Variants in MIA2 observed in about 807,000 individuals in gnomAD.
MIA2 encodes the protein MIA SH3 domain ER export factor 2.
MIA2 carries 127 observed loss-of-function variants against 167.8 expected under a neutral mutation model. The ratio of observed to expected loss-of-function variants is 0.76; its 90% confidence interval spans 0.66 to 0.88. The LOEUF (loss-of-function observed/expected upper bound fraction) is 0.88. MIA2 is among the 40% of genes least tolerant of loss of function. The pLI, the probability that MIA2 is intolerant of heterozygous loss-of-function variation, is 0.00. For synonymous variants in MIA2, 552 were observed against 541.9 expected, an observed-to-expected ratio of 1.02 and a Z score of -0.26; for missense variants, 1,690 against 1,624.7, an observed-to-expected ratio of 1.04 and a Z score of -0.69.
chr14:39,277,756 A>ATATATATATATATGTGTG (rs2058348411), intron 7 of MIA2, among the ~76,000 whole-genome samples: 1 of 21,588 alleles, frequency 4.6e-5, no homozygotes, highest in Non-Finnish European at 7.8e-5. Context: ...GTGTATATAT[A>ATATATATATATATGTGTG]TATATATATA....
chr14:39,286,230 G>C (rs1283707308), intron 9 of MIA2, among the ~76,000 whole-genome samples: 3 of 152,174 alleles, frequency 2.0e-5, no homozygotes, highest in Non-Finnish European at 4.4e-5. Context: ...ATCACTCTTG[G>C]TTAGGAGCTG....
At chr14:39,325,237 AATG>A (rs2067249158) in intron 24 of MIA2, among the ~76,000 whole-genome samples, 1 of 151,864 alleles carries the variant, frequency 6.6e-6, no homozygotes, top group African/African-American at 2.4e-5. Flanking sequence ...CAAAAAAAAA[AATG>A]TTTTTAAAGC....
chr14:39,248,717 T>A (rs1040650971), intron 4 of MIA2, among the ~76,000 whole-genome samples: 1 of 152,180 alleles, frequency 6.6e-6, no homozygotes, highest in Non-Finnish European at 1.5e-5. Flanking sequence ...TTTGAACGAT[T>A]TTCTTAGAAA....
intron 23 of MIA2, among the ~76,000 whole-genome samples, chr14:39,382,498 C>A (rs1246638789): frequency 6.6e-6 from 1 of 152,102 alleles, no homozygotes; most frequent in Admixed American, 6.5e-5. Context: ...TTGAGGGCTT[C>A]AGTATTTAAA....
At chr14:39,376,203 C>G (rs1415650443) in intron 23 of MIA2, among the ~76,000 whole-genome samples, 6 of 152,198 alleles carry the variant, frequency 3.9e-5, no homozygotes, top group African/African-American at 1.4e-4. Flanking sequence ...ATCTGCCTGC[C>G]TTGACCTCCC....
At chr14:39,341,055 A>C (rs925495438) in intron 25 of MIA2, among the ~76,000 whole-genome samples, 5 of 152,176 alleles carry the variant, frequency 3.3e-5, no homozygotes, top group Non-Finnish European at 7.3e-5. Context: ...TAATTCCAGC[A>C]CTTTGGGAAG....
intron 23 of MIA2, among the ~76,000 whole-genome samples, chr14:39,357,045 A>G (rs1354978173): frequency 6.6e-6 from 1 of 152,034 alleles, no homozygotes; most frequent in Non-Finnish European, 1.5e-5. Flanking sequence ...TCGGGTGGAG[A>G]GTTCTGTAGA....
intron 9 of MIA2, among the ~76,000 whole-genome samples, chr14:39,288,471 A>ATTTTTT (rs1428823924): frequency 1.4e-4 from 7 of 51,650 alleles, no homozygotes; most frequent in African/African-American, 5.4e-4. Flanking sequence ...ATATATATAT[A>ATTTTTT]TATATTTTTT....
At chr14:39,287,207 G>A (rs1268105854) in intron 9 of MIA2, among the ~76,000 whole-genome samples, 2 of 152,088 alleles carry the variant, frequency 1.3e-5, no homozygotes, top group Non-Finnish European at 2.9e-5. Context: ...CCAAGTAGCT[G>A]GGACTACAGG....
chr14:39,270,432 C>G (rs1358943601), intron 6 of MIA2, among the ~76,000 whole-genome samples: 1 of 152,060 alleles, frequency 6.6e-6, no homozygotes, highest in African/African-American at 2.4e-5. Flanking sequence ...ATCTCCTGAC[C>G]TTGTGATCCA....
intron 6 of MIA2, chr14:39,267,326 G>C: frequency 6.6e-7 from 1 of 1,518,094 alleles, no homozygotes; most frequent in Non-Finnish European, 8.8e-7. Flanking sequence ...CCCCGCAGCC[G>C]GCTCCGCAGT....
chr14:39,288,432 C>CATATAT (rs759995143), intron 9 of MIA2, among the ~76,000 whole-genome samples: 21 of 52,878 alleles, frequency 4.0e-4, no homozygotes, highest in South Asian at 1.8e-3. Flanking sequence ...ATATATTATA[C>CATATAT]ATATATATAT....
chr14:39,296,085 G>A (rs1299426866), intron 13 of MIA2, among the ~76,000 whole-genome samples: 1 of 151,834 alleles, frequency 6.6e-6, no homozygotes, highest in Non-Finnish European at 1.5e-5. Flanking sequence ...TATTCTGTAG[G>A]TGTGTGTTCT....
Position 39,288,836 on chromosome 14 carries a change from A to G in MIA2, c.2131-2183A>G, listed in dbSNP as rs578094419. The stretch of plus-strand genomic sequence containing the variant: ...TCCCAATGCATAATCTTTTTGATGC[A>G]TTGTTAATTTCAATTTGCTGATATT... On this transcript the variant is annotated intron_variant, in intron 9 of 28. Transcript: ENST00000640607. Among the ~76,000 whole-genome samples, 36 of 152,158 alleles carry G rather than the reference A, an allele frequency of 2.4e-4. 2 individuals are homozygous for G. In the South Asian group the frequency reaches 7.5e-3, roughly 32 times the overall value.
At position 39,348,927 on chromosome 14, in the gene MIA2, A is replaced by T; in HGVS notation, c.4022A>T (p.Asp1341Val). Reference protein sequence around the residue: ...PPGAMFGASRDYFPPGDFPGP... With the variant: ...PPGAMFGASRVYFPPGDFPGP... ...GGAGCCATGTTTGGAGCTTCTCGAG[A>T]TTATTTTCCACCAGGGGATTTCCCA... is the stretch of plus-strand genomic sequence containing the variant. Residue 1341 changes from aspartate (D) to valine (V), a missense_variant, in exon 28 of 29, where the codon GAT (aspartate) becomes GTT (valine). Asp to Val is a radical substitution (Grantham distance 152). Coordinates refer to ENST00000640607, the MANE Select transcript of MIA2 (RefSeq NM_001329214.4). The T allele has an allele frequency of 1.2e-6, 2 of 1,614,048 alleles. No homozygotes were observed. Among genetic ancestry groups the T allele is most frequent in the Non-Finnish European group, 1.7e-6 (2 of 1,179,968 alleles).
In MIA2 at chr14:39,317,862, A is replaced by C. The variant is rs2065776575; in HGVS notation, c.3217-82A>C. ...ATATATATATATTTTTAAGAAATTT[A>C]ATGAATGTTTATATTGACATATTTA... On this transcript the variant is annotated intron_variant, in intron 21 of 28. Transcript: ENST00000640607. The C allele has an allele frequency of 3.4e-6, 3 of 870,174 alleles. No homozygotes were observed. In the East Asian group the frequency reaches 9.4e-5, roughly 27 times the overall value. 53.9% of individuals were successfully genotyped at this position (870,174 alleles called of 1,614,324 possible). A position where few individuals can be genotyped will look rare whatever the true frequency, so the allele number is the denominator to read the frequency against.
At chr14:39,264,850 C>A (rs1186902060) in intron 6 of MIA2, among the ~76,000 whole-genome samples, 1 of 152,196 alleles carries the variant, frequency 6.6e-6, no homozygotes, top group African/African-American at 2.4e-5. Flanking sequence ...TACTGGTTAG[C>A]ATGTTTCCGA....
At chr14:39,365,730 C>G (rs1010832670) in intron 23 of MIA2, among the ~76,000 whole-genome samples, 2 of 151,650 alleles carry the variant, frequency 1.3e-5, no homozygotes, top group African/African-American at 4.8e-5. Context: ...AATTGCTTTT[C>G]TGATTTCTTT....
chr14:39,332,811 C>T (rs1288408681), intron 25 of MIA2, among the ~76,000 whole-genome samples: 2 of 152,106 alleles, frequency 1.3e-5, no homozygotes, highest in Non-Finnish European at 2.9e-5. Context: ...GAAGACATCA[C>T]CCGCCTTCTG....
Sources: gnomAD v4.1 joint callset for allele counts (sites outside exome capture counted in the v4.1 genomes callset) on GRCh38, gnomAD v4.1.1 for gene constraint, MANE v1.5 for transcripts, NCBI Gene and HGNC (gene_info 2026-07-23, HGNC 2026-07-21) for gene names.